Variants in SLC8A1 observed in about 807,000 individuals in gnomAD.
SLC8A1 encodes sodium/calcium exchanger 1.
A neutral mutation model predicts 68.3 loss-of-function variants in SLC8A1; 18 were observed. The observed-to-expected ratio is 0.26, with a 90% CI of 0.18 to 0.39. SLC8A1 has a LOEUF of 0.39. SLC8A1 is among the 10% of genes least tolerant of loss of function. The pLI is 1.00. For missense variants in SLC8A1, 985 were observed against 1,156.7 expected (o/e 0.85, Z 2.15); for synonymous variants, 475 against 415.5 (o/e 1.14, Z -1.74).
Position 40,257,935 on chromosome 2 carries a change from G to A in SLC8A1, c.1809-80080C>T, listed in dbSNP as rs116654578. Among the ~76,000 whole-genome samples, 446 of 152,306 alleles carry A rather than the reference G, an allele frequency of 2.9e-3. 2 individuals are homozygous for A. Among genetic ancestry groups the A allele is most frequent in the South Asian group, 7.5e-3 (36 of 4,824 alleles). ...ATAATGCCTAAACTGTAATCACAACGACAGGAGTAGAGTGAGGAGGAAAGG... is the reference window on the plus strand; with the variant it reads ...ATAATGCCTAAACTGTAATCACAACAACAGGAGTAGAGTGAGGAGGAAAGG... On this transcript the variant is annotated intron_variant, in intron 2 of 7. Coordinates refer to ENST00000406785, the Ensembl canonical transcript of SLC8A1.
intron 6 of SLC8A1, among the ~76,000 whole-genome samples, chr2:40,152,473 C>T (rs564401731): frequency 3.2e-4 from 49 of 152,162 alleles, no homozygotes; most frequent in African/African-American, 1.2e-3. Flanking sequence ...GGCATGATTT[C>T]GGCTCACTGC....
At chr2:40,181,895 C>T (rs2049633152) in intron 2 of SLC8A1, among the ~76,000 whole-genome samples, 1 of 152,210 alleles carries the variant, frequency 6.6e-6, no homozygotes, top group Non-Finnish European at 1.5e-5. Flanking sequence ...TCTTCCTTCA[C>T]AGGGGATAGT....
At chr2:40,228,682 A>G (rs748102853) in intron 2 of SLC8A1, among the ~76,000 whole-genome samples, 24 of 152,302 alleles carry the variant, frequency 1.6e-4, no homozygotes, top group South Asian at 8.3e-4. Context: ...GAGCTTTTCT[A>G]TGCAGATATC....
chr2:40,141,628 A>G (rs968528737), intron 6 of SLC8A1, among the ~76,000 whole-genome samples: 3 of 152,180 alleles, frequency 2.0e-5, no homozygotes, highest in Non-Finnish European at 4.4e-5. Flanking sequence ...TATTTATTAT[A>G]TCAACTTTAC....
At chr2:40,360,242 C>A (rs533172224) in intron 2 of SLC8A1, among the ~76,000 whole-genome samples, 84 of 152,218 alleles carry the variant, frequency 5.5e-4, no homozygotes, top group African/African-American at 1.9e-3. Context: ...CTAGGCACTC[C>A]GTAAATAAAG....
At chr2:40,329,986 T>G (rs1157535983) in intron 2 of SLC8A1, among the ~76,000 whole-genome samples, 1 of 152,184 alleles carries the variant, frequency 6.6e-6, no homozygotes, top group African/African-American at 2.4e-5. Flanking sequence ...CCAAGCTATT[T>G]AAAGAGCAGG....
intron 2 of SLC8A1, among the ~76,000 whole-genome samples, chr2:40,346,058 AAAAAAAAAAAAAAAAG>A (rs1390195993): frequency 6.7e-6 from 1 of 149,476 alleles, no homozygotes; most frequent in African/African-American, 2.4e-5. Context: ...AAAAAAAAAA[AAAAAAAAAAAAAAAAG>A]AAAGAAAGAA....
exon 8 of SLC8A1, chr2:40,115,268 G>T: frequency 6.2e-7 from 1 of 1,610,074 alleles, no homozygotes; most frequent in Non-Finnish European, 8.5e-7. Context: ...AGCCTTTTAT[G>T]TGGCAGTAGG....
chr2:40,297,423 G>C (rs572061830), intron 2 of SLC8A1, among the ~76,000 whole-genome samples: 1 of 152,050 alleles, frequency 6.6e-6, no homozygotes, highest in Admixed American at 6.6e-5. Context: ...TCTCTTTCAG[G>C]CATAAAATCC....
intron 2 of SLC8A1, among the ~76,000 whole-genome samples, chr2:40,414,669 T>C (rs1693257893): frequency 6.6e-6 from 1 of 152,192 alleles, no homozygotes; most frequent in Non-Finnish European, 1.5e-5. Context: ...GTTTATTCAT[T>C]GCTTAGGTAC....
At chr2:40,214,600 C>T (rs570866801) in intron 2 of SLC8A1, among the ~76,000 whole-genome samples, 1 of 152,008 alleles carries the variant, frequency 6.6e-6, no homozygotes, top group African/African-American at 2.4e-5. Flanking sequence ...CAACACCACA[C>T]CTGGCTAATT....
At chr2:40,407,601 T>C (rs78537322) in intron 2 of SLC8A1, among the ~76,000 whole-genome samples, 2,156 of 152,318 alleles carry the variant, frequency 0.014, 89 homozygotes, top group Admixed American at 0.077. Flanking sequence ...CCTGAAAGAA[T>C]ATCACAGCTC....
At chr2:40,205,252 T>TTAAAAA (rs1466378941) in intron 2 of SLC8A1, among the ~76,000 whole-genome samples, 1 of 9,712 alleles carries the variant, frequency 1.0e-4, no homozygotes, top group Non-Finnish European at 5.2e-4. Context: ...TTTCATCAAT[T>TTAAAAA]TAAAAATAAA....
rs13406355 is a variant in SLC8A1, at chr2:40,307,252, C to T, written c.1808+121221G>A. 5.6e-3 allele frequency among the ~76,000 whole-genome samples: 859 copies of T among 152,038 alleles called. 4 individuals are homozygous for T. Among genetic ancestry groups the T allele is most frequent in the Non-Finnish European group, 0.01 (696 of 67,998 alleles). ...GAAGAAATCCCTGTCACATGGTACACGGTTGAACTTTGGAGACATTGTGCT... is the reference window on the plus strand; with the variant it reads ...GAAGAAATCCCTGTCACATGGTACATGGTTGAACTTTGGAGACATTGTGCT... On this transcript the variant is annotated intron_variant, in intron 2 of 7. Transcript: ENST00000406785.
intron 2 of SLC8A1, among the ~76,000 whole-genome samples, chr2:40,197,824 T>A (rs1432646461): frequency 6.6e-6 from 1 of 152,006 alleles, no homozygotes; most frequent in Admixed American, 6.6e-5. Context: ...ATAGGATCTA[T>A]TGACAAAGCT....
In SLC8A1 at chr2:40,478,947, T is replaced by C. The variant is rs577124083; in HGVS notation, c.-25+33402A>G. On this transcript the variant is annotated intron_variant, in intron 1 of 7. Coordinates refer to the SLC8A1 transcript ENST00000402441. ...CCACCACGCCCAGCTAATTTTTGTA[T>C]TTTTAGTAGAGACGGGGTTTCACCA... Among the ~76,000 whole-genome samples the C allele has an allele frequency of 2.0e-3, 310 of 152,062 alleles. 2 individuals are homozygous for C. The highest frequency in any genetic ancestry group is 0.011 in the South Asian group (55 of 4,806).
At position 40,350,690 on chromosome 2, in the gene SLC8A1, A is replaced by G. The variant is rs1437337507; in HGVS notation, c.1808+77783T>C. Among the ~76,000 whole-genome samples, 3 of 150,176 alleles carry G rather than the reference A, an allele frequency of 2.0e-5. No individual in the cohort carries two copies. In the Admixed American group the frequency reaches 2.0e-4, roughly 10 times the overall value. ...GTCTTAACATTAGCCTTATATAAGT[A>G]TATCTTTTATTGTAAAAGCTAAAAG... is the stretch of plus-strand genomic sequence containing the variant. On this transcript the variant is annotated intron_variant, in intron 2 of 7. Transcript: ENST00000406785.
At chr2:40,475,476 T>C (rs748748422) in intron 1 of SLC8A1, among the ~76,000 whole-genome samples, 1 of 152,078 alleles carries the variant, frequency 6.6e-6, no homozygotes, top group Non-Finnish European at 1.5e-5. Flanking sequence ...CTTATATAGA[T>C]AATATCTGTA....
chr2:40,316,970 C>G (rs1315286579), intron 2 of SLC8A1, among the ~76,000 whole-genome samples: 2 of 152,012 alleles, frequency 1.3e-5, no homozygotes, highest in Non-Finnish European at 2.9e-5. Flanking sequence ...GCCCTCCACT[C>G]AAATAACACT....
Sources: allele counts gnomAD v4.1 joint callset (sites outside exome capture counted in the v4.1 genomes callset), GRCh38; gene constraint gnomAD v4.1.1; transcripts MANE v1.5; gene names NCBI Gene and HGNC (gene_info 2026-07-23, HGNC 2026-07-21).